ARHGAP15: variants seen among roughly 807,000 people sequenced by gnomAD.
ARHGAP15 encodes the protein Rho GTPase activating protein 15.
Under a neutral mutation model 63.7 loss-of-function variants are expected in ARHGAP15, and 51 were observed. The ratio of observed to expected loss-of-function variants is 0.80; its 90% CI spans 0.64 to 1.01. The LOEUF (loss-of-function observed/expected upper bound fraction) is 1.01. ARHGAP15 is among the 50% of genes least tolerant of loss of function. ARHGAP15 has a pLI of 0.00. For synonymous variants in ARHGAP15, 191 were observed against 193.8 expected (o/e 0.99, Z 0.12); for missense variants, 560 against 564.6 (o/e 0.99, Z 0.08).
At chr2:143,544,137 T>A (rs952878815) in intron 10 of ARHGAP15, among the ~76,000 whole-genome samples, 2 of 152,178 alleles carry the variant, frequency 1.3e-5, no homozygotes, top group African/African-American at 4.8e-5. Flanking sequence ...CTATTCCAGA[T>A]ACCTTATATT....
At position 143,258,468 on chromosome 2, in the gene ARHGAP15, C is replaced by T. The variant is rs955415122; in HGVS notation, c.474+7868C>T. Among the ~76,000 whole-genome samples, 9 of 152,164 alleles carry T rather than the reference C, an allele frequency of 5.9e-5. No homozygotes were observed. The East Asian group carries it at 1.7e-3, about 29-fold the overall frequency. On this transcript the variant is annotated intron_variant, in intron 6 of 13. Coordinates refer to ENST00000295095, the MANE Select transcript of ARHGAP15 (RefSeq NM_018460.4). ...CCACACTTATGCATAACTGGAAAGG[C>T]CACTTATGGCATCTATGCATAGAGT... is the stretch of plus-strand genomic sequence containing the variant.
intron 6 of ARHGAP15, among the ~76,000 whole-genome samples, chr2:143,361,402 C>A (rs367846945): frequency 8.5e-5 from 13 of 152,190 alleles, no homozygotes; most frequent in South Asian, 2.1e-4. Flanking sequence ...TCTGTATTTC[C>A]GTAAAAGGGA....
chr2:143,606,568 C>T (rs1698040642), intron 11 of ARHGAP15, among the ~76,000 whole-genome samples: 1 of 152,152 alleles, frequency 6.6e-6, no homozygotes, highest in South Asian at 2.1e-4. Flanking sequence ...AATGGGAAAA[C>T]GTGAGCAATG....
In ARHGAP15 at chr2:143,169,563, T is replaced by C. The variant is rs148875111; in HGVS notation, c.165+13908T>C. On this transcript the variant is annotated intron_variant, in intron 2 of 13. Transcript: ENST00000295095. Reference sequence around the variant, plus strand: ...TTATTTCATGTATTCAGGTGGTTATTTGCATAAATGAAACTTTGGAACACA... The same window carrying C: ...TTATTTCATGTATTCAGGTGGTTATCTGCATAAATGAAACTTTGGAACACA... 6.6e-5 allele frequency among the ~76,000 whole-genome samples: 10 copies of C among 152,152 alleles called. No individual in the cohort carries two copies. The South Asian group carries it at 1.2e-3, about 19-fold the overall frequency.
intron 11 of ARHGAP15, among the ~76,000 whole-genome samples, chr2:143,569,172 A>C (rs549140252): frequency 2.5e-5 from 2 of 79,344 alleles, no homozygotes; most frequent in African/African-American, 3.2e-5. Flanking sequence ...TAATTTAAAC[A>C]AAAAAAAAGC....
chr2:143,696,514 C>A (rs1683854387), intron 12 of ARHGAP15, among the ~76,000 whole-genome samples: 1 of 152,050 alleles, frequency 6.6e-6, no homozygotes, highest in African/African-American at 2.4e-5. Context: ...GCATGCTGTA[C>A]ATGGTCTAAT....
chr2:143,149,059 C>T (rs1288915755), intron 1 of ARHGAP15, among the ~76,000 whole-genome samples: 1 of 151,896 alleles, frequency 6.6e-6, no homozygotes, highest in African/African-American at 2.4e-5. Flanking sequence ...ACTTGTTCTA[C>T]CACAGATCAA....
chr2:143,182,448 A>G (rs1479231215), intron 2 of ARHGAP15, among the ~76,000 whole-genome samples: 1 of 152,184 alleles, frequency 6.6e-6, no homozygotes, highest in Non-Finnish European at 1.5e-5. Context: ...GTATGTCTGT[A>G]CTTATATTTT....
intron 8 of ARHGAP15, among the ~76,000 whole-genome samples, chr2:143,462,212 G>A (rs1690977670): frequency 1.3e-5 from 2 of 152,130 alleles, no homozygotes; most frequent in Admixed American, 1.3e-4. Context: ...AAAGTTGGTT[G>A]TGTAAAGTAA....
In ARHGAP15 at chr2:143,659,001, A is replaced by G. The variant is rs575949590; in HGVS notation, c.1138+34734A>G. On this transcript the variant is annotated intron_variant, in intron 12 of 13. Coordinates refer to ENST00000295095, the MANE Select transcript of ARHGAP15 (RefSeq NM_018460.4). Reference sequence around the variant, plus strand: ...AGAATAGATGTAGGATAGACAGTCAACAGTATCTCCTGCCCAACTCACTGA... The same window carrying G: ...AGAATAGATGTAGGATAGACAGTCAGCAGTATCTCCTGCCCAACTCACTGA... Among the ~76,000 whole-genome samples, 6 of 152,310 alleles carry G rather than the reference A, an allele frequency of 3.9e-5. No homozygotes were observed. The South Asian group carries it at 1.2e-3, about 32-fold the overall frequency.
At chr2:143,737,053 A>G (rs1044246120) in intron 13 of ARHGAP15, among the ~76,000 whole-genome samples, 2 of 152,270 alleles carry the variant, frequency 1.3e-5, no homozygotes, top group Non-Finnish European at 2.9e-5. Context: ...AATAATAAGT[A>G]CAACTGGCAT....
In ARHGAP15 at chr2:143,509,786, G is replaced by C. The variant is rs191748247; in HGVS notation, c.827-9480G>C. Among the ~76,000 whole-genome samples the C allele has an allele frequency of 2.0e-5, 3 of 152,078 alleles. No homozygotes were observed. In the South Asian group the frequency reaches 6.2e-4, roughly 32 times the overall value. The stretch of plus-strand genomic sequence containing the variant: ...ACCTATAATTCCAGCACCTTGGGAG[G>C]CCGAGGCAGGCGGATCACGAGCTCG... On this transcript the variant is annotated intron_variant, in intron 9 of 13. Coordinates refer to ENST00000295095, the MANE Select transcript of ARHGAP15 (RefSeq NM_018460.4).
At chr2:143,255,409 G>A (rs558091354) in intron 6 of ARHGAP15, among the ~76,000 whole-genome samples, 4 of 151,796 alleles carry the variant, frequency 2.6e-5, no homozygotes, top group Admixed American at 1.3e-4. Flanking sequence ...AGTAAACCTC[G>A]GAATAGATTT....
At chr2:143,130,554 T>C (rs1483218869) in intron 1 of ARHGAP15, among the ~76,000 whole-genome samples, 1 of 152,176 alleles carries the variant, frequency 6.6e-6, no homozygotes, top group Admixed American at 6.5e-5. Flanking sequence ...TTTTCTTTTC[T>C]TTTATTGTCT....
At chr2:143,522,496 G>A (rs565439800) in intron 10 of ARHGAP15, among the ~76,000 whole-genome samples, 8 of 152,150 alleles carry the variant, frequency 5.3e-5, no homozygotes, top group East Asian at 1.9e-4. Context: ...ATTAAAACAC[G>A]GTTCTGCTAA....
intron 3 of ARHGAP15, among the ~76,000 whole-genome samples, chr2:143,213,924 G>T (rs1048673555): frequency 6.6e-6 from 1 of 152,208 alleles, no homozygotes; most frequent in African/African-American, 2.4e-5. Flanking sequence ...TCAATCTCAA[G>T]TATTCTGGGA....
intron 11 of ARHGAP15, among the ~76,000 whole-genome samples, chr2:143,575,430 C>G (rs897893655): frequency 6.6e-6 from 1 of 152,038 alleles, no homozygotes; most frequent in Non-Finnish European, 1.5e-5. Context: ...GATGAGAGAA[C>G]CAGGATTCTG....
chr2:143,602,523 G>A (rs924613717), intron 11 of ARHGAP15, among the ~76,000 whole-genome samples: 1 of 152,114 alleles, frequency 6.6e-6, no homozygotes, highest in African/African-American at 2.4e-5. Flanking sequence ...GAGTGGGAAA[G>A]CACCTTCTAT....
At position 143,535,733 on chromosome 2, in the gene ARHGAP15, A is replaced by C. The variant is rs539061797; in HGVS notation, c.925+16369A>C. Among the ~76,000 whole-genome samples, 9 of 152,332 alleles carry C rather than the reference A, an allele frequency of 5.9e-5. 1 individual carries two copies. The East Asian group carries it at 1.5e-3, about 26-fold the overall frequency. ...CAAACTCAATGGAGTTTCTAACATCAAAACTCAAACTCTGCCATCCCCTGG... is the reference window on the plus strand; with the variant it reads ...CAAACTCAATGGAGTTTCTAACATCCAAACTCAAACTCTGCCATCCCCTGG... On this transcript the variant is annotated intron_variant, in intron 10 of 13. Coordinates refer to ENST00000295095, the MANE Select transcript of ARHGAP15 (RefSeq NM_018460.4).
Sources: gnomAD v4.1 joint callset for allele counts (sites outside exome capture counted in the v4.1 genomes callset) on GRCh38, gnomAD v4.1.1 for gene constraint, MANE v1.5 for transcripts, NCBI Gene and HGNC (gene_info 2026-07-23, HGNC 2026-07-21) for gene names.